MCOLN2: variants seen among roughly 807,000 people sequenced by gnomAD.
MCOLN2 encodes mucolipin TRP cation channel 2.
A neutral mutation model predicts 67.5 loss-of-function variants in MCOLN2; 57 were observed. The observed-to-expected ratio is 0.84, with a 90% CI of 0.68 to 1.05. The LOEUF (loss-of-function observed/expected upper bound fraction) is 1.05. MCOLN2 is among the 50% of genes least tolerant of loss of function. The pLI is 0.00. For missense variants in MCOLN2, 620 were observed against 678.8 expected (o/e 0.91, Z 0.96); for synonymous variants, 246 against 233.3 (o/e 1.05, Z -0.50).
At chr1:84,950,963 C>G (rs958279314) in intron 6 of MCOLN2, among the ~76,000 whole-genome samples, 3 of 152,072 alleles carry the variant, frequency 2.0e-5, no homozygotes, top group Non-Finnish European at 4.4e-5. Context: ...ATTTTTAAAC[C>G]CACACTTCCG....
intron 2 of MCOLN2, among the ~76,000 whole-genome samples, chr1:84,961,535 A>T (rs1649088065): frequency 6.6e-6 from 1 of 152,166 alleles, no homozygotes; most frequent in Admixed American, 6.5e-5. Flanking sequence ...TTCATAGAAC[A>T]AGCCAAGATA....
At chr1:84,929,748 C>G (rs900983816) in intron 12 of MCOLN2, 69 bp from the exon 13 acceptor site, 3 of 1,501,248 alleles carry the variant, frequency 2.0e-6, no homozygotes, top group Non-Finnish European at 1.8e-6. Context: ...GTCAACAAAC[C>G]AAGCCCACCT....
chr1:84,960,211 A>T (rs1470363192), intron 2 of MCOLN2, among the ~76,000 whole-genome samples: 10 of 152,188 alleles, frequency 6.6e-5, no homozygotes, highest in Admixed American at 6.5e-4. Flanking sequence ...TACTGTGCTA[A>T]CTGCTTTACA....
chr1:84,941,313 G>A (rs1043068160), intron 7 of MCOLN2, among the ~76,000 whole-genome samples: 2 of 152,174 alleles, frequency 1.3e-5, no homozygotes, highest in Non-Finnish European at 1.5e-5. Flanking sequence ...TGGCTAACAC[G>A]GTGAAACCCC....
At chr1:84,946,923 C>A in intron 7 of MCOLN2, 110 bp downstream of exon 7, 1 of 607,222 alleles carries the variant, frequency 1.6e-6, no homozygotes, top group Non-Finnish European at 3.0e-6. Context: ...ATGCTCGAGG[C>A]GGTTTTCTTC....
At chr1:84,927,361 G>C (rs143226442) in intron 13 of MCOLN2, among the ~76,000 whole-genome samples, 221 of 152,138 alleles carry the variant, frequency 1.5e-3, no homozygotes, top group African/African-American at 5.2e-3. Flanking sequence ...CTGCAATAGA[G>C]GAAGGTAAAG....
At chr1:84,952,857 T>C (rs930129080) in intron 4 of MCOLN2, among the ~76,000 whole-genome samples, 7 of 152,260 alleles carry the variant, frequency 4.6e-5, no homozygotes, top group African/African-American at 1.4e-4. Context: ...AATCTAGTCA[T>C]GAAGAAACAG....
chr1:84,987,614 C>A (rs1162014572), intron 1 of MCOLN2, among the ~76,000 whole-genome samples: 35 of 91,476 alleles, frequency 3.8e-4, no homozygotes, highest in African/African-American at 8.0e-4. Context: ...GTATATCAAT[C>A]TATATATACA....
intron 7 of MCOLN2, among the ~76,000 whole-genome samples, chr1:84,944,226 T>TA (rs552065853): frequency 6.6e-6 from 1 of 152,100 alleles, no homozygotes; most frequent in African/African-American, 2.4e-5. Flanking sequence ...TATGGTATGC[T>TA]AAAAATATGT....
At chr1:84,990,270 C>A (rs1035785165) in intron 1 of MCOLN2, among the ~76,000 whole-genome samples, 10 of 131,602 alleles carry the variant, frequency 7.6e-5, no homozygotes, top group African/African-American at 2.3e-4. Flanking sequence ...TGCACTCCAG[C>A]CTGGGCAACA....
At chr1:84,994,656 T>G (rs1289655996) in intron 1 of MCOLN2, among the ~76,000 whole-genome samples, 2 of 152,244 alleles carry the variant, frequency 1.3e-5, no homozygotes, top group African/African-American at 4.8e-5. Flanking sequence ...TGCTCTAGAT[T>G]ATGCTTTAGC....
intron 7 of MCOLN2, 72 bp downstream of exon 7, chr1:84,946,961 A>T (rs1177867353): frequency 5.3e-6 from 4 of 753,692 alleles, no homozygotes; most frequent in Non-Finnish European, 9.2e-6. Flanking sequence ...AACCATTTAA[A>T]TACCCCAAGC....
chr1:84,976,491 G>C (rs1179923517), intron 1 of MCOLN2, among the ~76,000 whole-genome samples: 1 of 152,232 alleles, frequency 6.6e-6, no homozygotes, highest in Admixed American at 6.5e-5. Flanking sequence ...GACAAGGTCG[G>C]GTGCAGTGGC....
chr1:84,991,611 A>G (rs983915617), intron 1 of MCOLN2, among the ~76,000 whole-genome samples: 1 of 152,212 alleles, frequency 6.6e-6, no homozygotes, highest in Non-Finnish European at 1.5e-5. Context: ...AAGAAAGGCC[A>G]TAGGGGCTTT....
intron 7 of MCOLN2, among the ~76,000 whole-genome samples, chr1:84,942,688 C>A (rs1647859918): frequency 6.6e-6 from 1 of 152,112 alleles, no homozygotes; most frequent in Admixed American, 6.5e-5. Context: ...ATTTAATCCC[C>A]AATGTGACAG....
Position 84,987,578 on chromosome 1 carries a change from A to AATC in MCOLN2, c.77+9217_77+9218insGAT, listed in dbSNP as rs1557665995. Among the ~76,000 whole-genome samples, 49 of 89,864 alleles carry AATC rather than the reference A, an allele frequency of 5.5e-4. 2 individuals carry two copies. The highest frequency in any genetic ancestry group is 9.1e-4 in the Admixed American group (7 of 7,712). The allele number at this position is 89,864 out of a possible 152,430, so 59.0% of individuals were successfully genotyped here. ...CATCTATGTATACATAGATGTATACATAGATATATACATATGTATATAGAT... is the reference window on the plus strand; with the variant it reads ...CATCTATGTATACATAGATGTATACAATCTAGATATATACATATGTATATAGAT... On this transcript the variant is annotated intron_variant, in intron 1 of 13. Coordinates refer to ENST00000370608, the MANE Select transcript of MCOLN2 (RefSeq NM_153259.4).
At chr1:84,955,044 T>C (rs1648707341) in intron 4 of MCOLN2, among the ~76,000 whole-genome samples, 1 of 152,172 alleles carries the variant, frequency 6.6e-6, no homozygotes, top group Non-Finnish European at 1.5e-5. Flanking sequence ...AATTAAATCA[T>C]GGGGGCAGTT....
intron 1 of MCOLN2, among the ~76,000 whole-genome samples, chr1:84,988,103 T>A (rs1001385091): frequency 1.3e-5 from 2 of 152,188 alleles, no homozygotes; most frequent in Non-Finnish European, 2.9e-5. Context: ...TTAGTATTTT[T>A]AAAAAATGCT....
At chr1:84,982,920 G>A (rs747291924) in intron 1 of MCOLN2, among the ~76,000 whole-genome samples, 6 of 152,008 alleles carry the variant, frequency 3.9e-5, no homozygotes, top group Admixed American at 6.6e-5. Context: ...GTTTCACTGC[G>A]TTGGCCAGGC....
Sources: allele counts gnomAD v4.1 joint callset (sites outside exome capture counted in the v4.1 genomes callset), GRCh38; gene constraint gnomAD v4.1.1; transcripts MANE v1.5; gene names NCBI Gene and HGNC (gene_info 2026-07-23, HGNC 2026-07-21).